KCND2: variants seen among roughly 807,000 people sequenced by gnomAD.
KCND2 encodes A-type voltage-gated potassium channel KCND2.
In KCND2, 16 loss-of-function variants were observed where a neutral mutation model predicts 54.4. The observed-to-expected ratio is 0.29, with a 90% CI of 0.20 to 0.45. The LOEUF (loss-of-function observed/expected upper bound fraction) is 0.45, where lower values mean the gene tolerates loss of function less well. Ranked by LOEUF, KCND2 falls within the 20% of genes least tolerant of loss-of-function variation. The pLI is 1.00. For missense variants in KCND2, 486 were observed against 824.2 expected (o/e 0.59, Z 5.02); for synonymous variants, 317 against 310.7 (o/e 1.02, Z -0.21).
At chr7:120,313,836 A>G (rs1799774915) in intron 1 of KCND2, among the ~76,000 whole-genome samples, 1 of 151,144 alleles carries the variant, frequency 6.6e-6, no homozygotes, top group Admixed American at 6.6e-5. Flanking sequence ...TGTAAGACAT[A>G]AGCCAACAGT....
chr7:120,518,027 G>A (rs923433214), intron 1 of KCND2, among the ~76,000 whole-genome samples: 1 of 151,978 alleles, frequency 6.6e-6, no homozygotes, highest in Non-Finnish European at 1.5e-5. Context: ...GATCCTCATG[G>A]CCCAAGATTA....
At chr7:120,460,988 C>A (rs1358810369) in intron 1 of KCND2, among the ~76,000 whole-genome samples, 1 of 152,122 alleles carries the variant, frequency 6.6e-6, no homozygotes, top group Non-Finnish European at 1.5e-5. Context: ...AAATGTGCCC[C>A]TTGTTTCTAC....
At chr7:120,540,933 G>A (rs1791972250) in intron 1 of KCND2, among the ~76,000 whole-genome samples, 1 of 152,052 alleles carries the variant, frequency 6.6e-6, no homozygotes, top group Non-Finnish European at 1.5e-5. Flanking sequence ...GTTTCAGATT[G>A]ACTAGGCTAT....
intron 1 of KCND2, among the ~76,000 whole-genome samples, chr7:120,499,287 G>GT (rs989466285): frequency 3.9e-5 from 6 of 151,936 alleles, no homozygotes; most frequent in African/African-American, 1.4e-4. Context: ...TATATTTGTG[G>GT]TTTTTTATTG....
chr7:120,464,016 TG>T (rs1192712851), intron 1 of KCND2: 4 of 962,082 alleles, frequency 4.2e-6, no homozygotes, highest in Non-Finnish European at 4.9e-6. Flanking sequence ...TTCTTAGTTT[TG>T]TTTTTTTTTT....
At chr7:120,544,190 TAAA>T (rs775017810) in intron 1 of KCND2, among the ~76,000 whole-genome samples, 1 of 151,936 alleles carries the variant, frequency 6.6e-6, no homozygotes, top group Admixed American at 6.6e-5. Context: ...ACAAATTTCT[TAAA>T]AGAGTTGAGG....
rs1800714561 is a variant in KCND2, at chr7:120,368,222, G to C, written c.1115+92475G>C. ...ATAATTTTATTTATATTACTCTTCA[G>C]ATTCTTCTGGCGGATCCAGTGATAA... On this transcript the variant is annotated intron_variant, in intron 1 of 5. Transcript: ENST00000331113. Among the ~76,000 whole-genome samples, 3 of 151,986 alleles carry C rather than the reference G, an allele frequency of 2.0e-5. No homozygotes were observed. In the South Asian group the frequency reaches 6.2e-4, roughly 31 times the overall value.
intron 1 of KCND2, among the ~76,000 whole-genome samples, chr7:120,673,679 C>T (rs1054398752): frequency 3.3e-5 from 5 of 152,050 alleles, no homozygotes; most frequent in African/African-American, 1.2e-4. Context: ...CTCATTATGT[C>T]CTTCCTTTGC....
intron 1 of KCND2, among the ~76,000 whole-genome samples, chr7:120,694,928 T>A (rs1434419007): frequency 1.3e-5 from 2 of 152,182 alleles, no homozygotes; most frequent in Non-Finnish European, 2.9e-5. Context: ...CCAGTTTAAA[T>A]CTGACCTCCT....
At chr7:120,639,560 T>C (rs546167299) in intron 1 of KCND2, among the ~76,000 whole-genome samples, 46 of 152,310 alleles carry the variant, frequency 3.0e-4, no homozygotes, top group African/African-American at 1.1e-3. Context: ...TAACACAGCA[T>C]GGGCACAGTA....
chr7:120,668,703 G>T (rs1429992211), intron 1 of KCND2, among the ~76,000 whole-genome samples: 1 of 151,922 alleles, frequency 6.6e-6, no homozygotes, highest in Non-Finnish European at 1.5e-5. Flanking sequence ...CTCGAGAAAA[G>T]ATTATTAAGA....
chr7:120,509,205 T>C (rs191284085), intron 1 of KCND2, among the ~76,000 whole-genome samples: 130 of 152,100 alleles, frequency 8.5e-4, no homozygotes, highest in Non-Finnish European at 1.6e-3. Flanking sequence ...GATGTGGTAT[T>C]CTGGATGGGA....
chr7:120,737,853 A>G (rs1486582383), intron 2 of KCND2, among the ~76,000 whole-genome samples: 2 of 151,954 alleles, frequency 1.3e-5, no homozygotes, highest in Non-Finnish European at 2.9e-5. Context: ...CCTCACTTTT[A>G]AGGCTACCTA....
intron 1 of KCND2, among the ~76,000 whole-genome samples, chr7:120,615,972 C>G (rs1237173226): frequency 1.3e-5 from 2 of 152,130 alleles, no homozygotes; most frequent in Admixed American, 1.3e-4. Flanking sequence ...TGTCCCTCAG[C>G]CTTTACTTCT....
intron 1 of KCND2, among the ~76,000 whole-genome samples, chr7:120,595,764 A>T (rs1052458984): frequency 6.6e-6 from 1 of 151,820 alleles, no homozygotes; most frequent in South Asian, 2.1e-4. Flanking sequence ...CTTTAAAATG[A>T]TGGACTGAGT....
chr7:120,611,851 GT>G (rs1383047741), intron 1 of KCND2, among the ~76,000 whole-genome samples: 2 of 152,136 alleles, frequency 1.3e-5, no homozygotes, highest in Admixed American at 1.3e-4. Context: ...ACTAACAGAT[GT>G]TAGAAGAGAA....
chr7:120,410,369 A>C (rs1264811138), intron 1 of KCND2, among the ~76,000 whole-genome samples: 1 of 151,904 alleles, frequency 6.6e-6, no homozygotes, highest in Non-Finnish European at 1.5e-5. Context: ...TTTGGCTATT[A>C]TAGGTTCTTT....
rs200851386 is a variant in KCND2, at chr7:120,274,993, T to G, written c.361T>G (p.Phe121Val). 1.2e-6 allele frequency: 2 copies of G among 1,614,090 alleles called. No homozygotes were observed. The highest frequency in any genetic ancestry group is 3.3e-5 in the Admixed American group (2 of 60,022). ...CISAYDEELA[F>V]FGLIPEIIGD... ...CTCTGCTTACGATGAAGAACTGGCC[T>G]TCTTTGGCCTCATCCCGGAAATCAT... The change falls in exon 1 of 6, where the codon TTC becomes GTC. Residue 121 changes from phenylalanine (F) to valine (V), a missense_variant. Transcript: ENST00000331113.
intron 1 of KCND2, among the ~76,000 whole-genome samples, chr7:120,314,682 T>G (rs1183650517): frequency 2.0e-5 from 3 of 152,184 alleles, no homozygotes; most frequent in African/African-American, 7.2e-5. Flanking sequence ...CCTGAATGAT[T>G]ACAAATTTGT....
Sources: gnomAD v4.1 joint callset for allele counts (sites outside exome capture counted in the v4.1 genomes callset) on GRCh38, gnomAD v4.1.1 for gene constraint, MANE v1.5 for transcripts, NCBI Gene and HGNC (gene_info 2026-07-23, HGNC 2026-07-21) for gene names.